Variants in ITGA11 observed in about 807,000 individuals in gnomAD.
ITGA11 encodes the protein integrin subunit alpha 11, also known as integrin alpha-11.
In ITGA11, 97 loss-of-function variants were observed where a neutral mutation model predicts 141.9. The ratio of observed to expected loss-of-function variants is 0.68; its 90% confidence interval spans 0.58 to 0.81. The LOEUF (loss-of-function observed/expected upper bound fraction) is 0.81, where lower values mean the gene tolerates loss of function less well. Ranked by LOEUF, ITGA11 falls within the 30% of genes least tolerant of loss-of-function variation. The pLI is 0.00. For missense variants in ITGA11, 1,387 were observed against 1,559.2 expected (o/e 0.89, Z 1.86); for synonymous variants, 658 against 624.6 (o/e 1.05, Z -0.80).
In ITGA11 at chr15:68,322,268, C is replaced by T. The variant is rs1170339398; in HGVS notation, c.2323-765G>A. On this transcript the variant is annotated intron_variant, in intron 18 of 29. Transcript: ENST00000315757. The surrounding 1 kb of genome is among the most constrained non-coding windows in gnomAD (Gnocchi z 5.6). Reference sequence around the variant, plus strand: ...AACTGGTAGGAGTCGCCGAATGCCTCAGGCAGGGAATGTCCTGACAGACCT... The same window carrying T: ...AACTGGTAGGAGTCGCCGAATGCCTTAGGCAGGGAATGTCCTGACAGACCT... Among the ~76,000 whole-genome samples, 1 of 152,176 alleles carries T rather than the reference C, an allele frequency of 6.6e-6. No homozygotes were observed. Among genetic ancestry groups the T allele is most frequent in the Non-Finnish European group, 1.5e-5 (1 of 68,040 alleles).
chr15:68,351,895 T>C (rs1433620132), intron 7 of ITGA11, among the ~76,000 whole-genome samples: 2 of 151,882 alleles, frequency 1.3e-5, no homozygotes, highest in Non-Finnish European at 2.9e-5. Context: ...CTAGCCTGAC[T>C]AACATGTCGA....
rs577248423 is a variant in ITGA11 at position 68,414,499 on chromosome 15, G to C, written c.53-11470C>G. Among the ~76,000 whole-genome samples, 4 of 152,326 alleles carry C rather than the reference G, an allele frequency of 2.6e-5. No homozygotes were observed. In the South Asian group the frequency reaches 8.3e-4, roughly 32 times the overall value. On this transcript the variant is annotated intron_variant, in intron 1 of 29. Transcript: ENST00000315757. ...AAGACCTGGTTTCTCGACTGGCTAT[G>C]TGACCTGAAACAAATACCTTCCCTC...
chr15:68,371,838 A>T (rs1895600118), intron 2 of ITGA11, among the ~76,000 whole-genome samples: 1 of 152,060 alleles, frequency 6.6e-6, no homozygotes, highest in South Asian at 2.1e-4. Context: ...GAGATGGGAC[A>T]ATCTGGTAGT....
chr15:68,395,210 A>G (rs1896202284), intron 2 of ITGA11, among the ~76,000 whole-genome samples: 1 of 152,214 alleles, frequency 6.6e-6, no homozygotes, highest in Non-Finnish European at 1.5e-5. Flanking sequence ...ATAAAACCTC[A>G]AAGATGGGGA....
At chr15:68,341,569 C>T (rs1894570560) in intron 10 of ITGA11, among the ~76,000 whole-genome samples, 1 of 152,202 alleles carries the variant, frequency 6.6e-6, no homozygotes, top group Non-Finnish European at 1.5e-5. Flanking sequence ...CTATCTGTTT[C>T]CCCAAAGCCT....
chr15:68,365,747 T>C (rs1220086516), intron 3 of ITGA11, among the ~76,000 whole-genome samples: 1 of 152,018 alleles, frequency 6.6e-6, no homozygotes, highest in African/African-American at 2.4e-5. Flanking sequence ...TTTCTTTTCT[T>C]TTTTTTGAGG....
At chr15:68,419,537 C>G (rs189540319) in intron 1 of ITGA11, among the ~76,000 whole-genome samples, 35 of 152,346 alleles carry the variant, frequency 2.3e-4, no homozygotes, top group Admixed American at 6.5e-5. Flanking sequence ...CAACCCCGTA[C>G]TGAGTGTACC....
At chr15:68,396,529 T>G (rs943322996) in intron 2 of ITGA11, among the ~76,000 whole-genome samples, 2 of 151,974 alleles carry the variant, frequency 1.3e-5, no homozygotes, top group Non-Finnish European at 2.9e-5. Context: ...GAAAAGAATG[T>G]TCAGTATCAC....
At chr15:68,319,027 G>A (rs1163103577) in intron 20 of ITGA11, among the ~76,000 whole-genome samples, 1 of 152,246 alleles carries the variant, frequency 6.6e-6, no homozygotes, top group Non-Finnish European at 1.5e-5. Flanking sequence ...AGCACTTGGA[G>A]ACTGATGTTT....
chr15:68,364,964 A>T (rs1870646), intron 3 of ITGA11, among the ~76,000 whole-genome samples, 166 bp from the exon 4 acceptor site: 152,056 of 152,186 alleles, frequency 1, 75,963 homozygotes, highest in Non-Finnish European at 1. Flanking sequence ...CTCTCAGGAC[A>T]TCCTCACAAC....
chr15:68,411,607 T>A (rs1040139427), intron 1 of ITGA11, among the ~76,000 whole-genome samples: 1 of 152,076 alleles, frequency 6.6e-6, no homozygotes, highest in Non-Finnish European at 1.5e-5. Context: ...AAGTCACACA[T>A]CTAGTGGGTG....
chr15:68,391,017 C>T (rs1181059563), intron 2 of ITGA11, among the ~76,000 whole-genome samples: 1 of 152,246 alleles, frequency 6.6e-6, no homozygotes, highest in Non-Finnish European at 1.5e-5. Context: ...CTAGGATCAA[C>T]ACCCATAGGG....
In ITGA11 at chr15:68,361,700, C is replaced by A; in HGVS notation, c.362G>T (p.Cys121Phe). 1.2e-6 allele frequency: 2 copies of A among 1,601,340 alleles called. No individual in the cohort carries two copies. The highest frequency in any genetic ancestry group is 1.7e-6 in the Non-Finnish European group (2 of 1,173,482). Residue 121 changes from cysteine to phenylalanine, a missense_variant, in exon 5 of 30, where the codon TGC becomes TTC. Cys to Phe is a radical substitution (Grantham distance 205). Coordinates refer to ENST00000315757, the MANE Select transcript of ITGA11 (RefSeq NM_001004439.2). ...ACACTCATGAGACCAGAGGGGGCTG[C>A]AGGCCTGGGGAGGGCAGTGCAGATC... is the stretch of plus-strand genomic sequence containing the variant. The part of the protein sequence containing the change: ...TNPKDNSFLA[C>F]SPLWSHECGS...
rs572583139 is a variant in ITGA11 at position 68,427,403 on chromosome 15, G to A, written c.52+4612C>T. 1.1e-4 allele frequency among the ~76,000 whole-genome samples: 17 copies of A among 152,250 alleles called. No homozygotes were observed. In the South Asian group the frequency reaches 2.3e-3, roughly 20 times the overall value. On this transcript the variant is annotated intron_variant, in intron 1 of 29. Coordinates refer to ENST00000315757, the MANE Select transcript of ITGA11 (RefSeq NM_001004439.2). ...TACAGTTGAGAAAACTGAGGCCTGGGGGCTTATCCCAGAGTCACCCAGGTA... is the reference window on the plus strand; with the variant it reads ...TACAGTTGAGAAAACTGAGGCCTGGAGGCTTATCCCAGAGTCACCCAGGTA...
intron 1 of ITGA11, among the ~76,000 whole-genome samples, chr15:68,428,263 T>A (rs1205995864): frequency 6.6e-6 from 1 of 151,658 alleles, no homozygotes; most frequent in African/African-American, 2.4e-5. Flanking sequence ...GGGGTGTTGG[T>A]GGAAGGGAGG....
intron 8 of ITGA11, 115 bp from the exon 9 acceptor site, chr15:68,350,897 C>G: frequency 9.8e-7 from 1 of 1,023,272 alleles, no homozygotes; most frequent in Non-Finnish European, 1.4e-6. Flanking sequence ...GGCCGGTAGC[C>G]ATGAGAGTTC....
In ITGA11 at chr15:68,332,079, AG is replaced by A. The variant is rs1221355553; in HGVS notation, c.1567-18del. ...AAACAGGTTCTGCAAAACCAGGGGCAGAAAAAGGCTGGGGAGGGTTTGGCAA... is the reference window on the plus strand; with the variant it reads ...AAACAGGTTCTGCAAAACCAGGGGCAAAAAAGGCTGGGGAGGGTTTGGCAA... On this transcript the variant is annotated intron_variant, in intron 13 of 29. Transcript: ENST00000315757. The A allele has an allele frequency of 6.4e-7, 1 of 1,572,924 alleles. No individual in the cohort carries two copies. Among genetic ancestry groups the A allele is most frequent in the South Asian group, 1.2e-5 (1 of 85,778 alleles).
At chr15:68,376,556 A>G (rs1895734433) in intron 2 of ITGA11, among the ~76,000 whole-genome samples, 1 of 152,194 alleles carries the variant, frequency 6.6e-6, no homozygotes, top group African/African-American at 2.4e-5. Context: ...CAGTTTTTGT[A>G]TGAGCTGGTG....
At chr15:68,373,410 G>T (rs1354366076) in intron 2 of ITGA11, among the ~76,000 whole-genome samples, 1 of 152,220 alleles carries the variant, frequency 6.6e-6, no homozygotes, top group African/African-American at 2.4e-5. Flanking sequence ...CCTAAGAGAA[G>T]CCCCTGAATT....
Sources: gnomAD v4.1 joint callset for allele counts (sites outside exome capture counted in the v4.1 genomes callset) on GRCh38, gnomAD v4.1.1 for gene constraint, Gnocchi (gnomAD v3.1) non-coding constraint, MANE v1.5 for transcripts, NCBI Gene and HGNC (gene_info 2026-07-23, HGNC 2026-07-21) for gene names.